LARGE1: variants seen among roughly 807,000 people sequenced by gnomAD.
LARGE1 encodes xylosyl- and glucuronyltransferase LARGE1.
A neutral mutation model predicts 87.6 loss-of-function variants in LARGE1; 43 were observed. That is an observed-to-expected ratio of 0.49 (90% confidence interval 0.38 to 0.63). The LOEUF (loss-of-function observed/expected upper bound fraction) is 0.63. Among genes scored for constraint, LARGE1 ranks in the 30% least tolerant of loss-of-function variants. LARGE1 has a pLI of 0.00. For missense variants in LARGE1, 802 were observed against 1,000.2 expected, an observed-to-expected ratio of 0.80 and a Z score of 2.67; for synonymous variants, 434 against 394.6, an observed-to-expected ratio of 1.10 and a Z score of -1.18.
chr22:33,088,974 A>C, the LARGE1 span, among the ~76,000 whole-genome samples: 1 of 152,190 alleles, frequency 6.6e-6, no homozygotes, highest in Admixed American at 6.5e-5. Flanking sequence ...AATTGTTATC[A>C]TCCATGCTGA....
chr22:33,536,395 T>C (rs5754594), intron 6 of LARGE1, among the ~76,000 whole-genome samples: 82,106 of 152,126 alleles, frequency 0.54, 22,743 homozygotes, highest in Admixed American at 0.64. Context: ...GATCTCCAAA[T>C]ACAACAGAGC....
At chr22:33,159,583 A>AT (rs768251168), downstream of LARGE1, among the ~76,000 whole-genome samples, 682 of 143,554 alleles carry the variant, frequency 4.8e-3, 4 homozygotes, top group East Asian at 0.028. Context: ...ATCAATTTAA[A>AT]TTTTTTTTTT....
At chr22:33,169,784 G>A (rs1922464783) in intron 11 of LARGE1, among the ~76,000 whole-genome samples, 1 of 151,968 alleles carries the variant, frequency 6.6e-6, no homozygotes, top group Admixed American at 6.6e-5. Flanking sequence ...CTGGGAGGCG[G>A]AGGTTGCAGT....
At chr22:33,474,724 AT>A (rs1457823212) in intron 6 of LARGE1, among the ~76,000 whole-genome samples, 34 of 152,274 alleles carry the variant, frequency 2.2e-4, no homozygotes, top group African/African-American at 7.9e-4. Flanking sequence ...TCTCTTTTTG[AT>A]TCATTTGTGG....
chr22:33,822,209 A>G (rs1056438151), intron 1 of LARGE1, among the ~76,000 whole-genome samples: 3 of 152,078 alleles, frequency 2.0e-5, no homozygotes, highest in African/African-American at 7.2e-5. Flanking sequence ...AATCAGCCCT[A>G]CCCTATGCCA....
chr22:33,451,800 A>G (rs373774785), intron 6 of LARGE1, among the ~76,000 whole-genome samples: 25 of 151,778 alleles, frequency 1.6e-4, no homozygotes, highest in African/African-American at 6.0e-4. Flanking sequence ...CTTGTGATCC[A>G]CCCGCCTCGG....
At chr22:33,686,458 G>A (rs540874375) in intron 2 of LARGE1, among the ~76,000 whole-genome samples, 299 of 150,550 alleles carry the variant, frequency 2.0e-3, no homozygotes, top group Admixed American at 3.7e-3. Context: ...CAGGAGAATC[G>A]CTTGAACCTG....
chr22:33,186,414 A>G (rs1353330486), intron 11 of LARGE1, among the ~76,000 whole-genome samples: 1 of 152,196 alleles, frequency 6.6e-6, no homozygotes, highest in Non-Finnish European at 1.5e-5. Flanking sequence ...ATGTTGATTA[A>G]TGTAGCAAAA....
intron 11 of LARGE1, among the ~76,000 whole-genome samples, chr22:33,262,498 C>A (rs1407661603): frequency 6.6e-6 from 1 of 152,194 alleles, no homozygotes; most frequent in Non-Finnish European, 1.5e-5. Context: ...TTCCTGAGCA[C>A]ACCTGCCGCT....
intron 7 of LARGE1, among the ~76,000 whole-genome samples, chr22:33,390,805 T>C (rs1422613152): frequency 6.6e-6 from 1 of 151,958 alleles, no homozygotes; most frequent in Non-Finnish European, 1.5e-5. Flanking sequence ...GCCATTCTTG[T>C]GCCTCAGCCT....
intron 3 of LARGE1, among the ~76,000 whole-genome samples, chr22:33,630,213 A>C (rs1033185479): frequency 3.3e-5 from 5 of 151,900 alleles, no homozygotes; most frequent in Admixed American, 6.6e-5. Flanking sequence ...AAAAAACCCC[A>C]AAAAACCGAA....
intron 2 of LARGE1, among the ~76,000 whole-genome samples, chr22:33,667,924 T>C (rs1011696734): frequency 6.6e-5 from 10 of 152,228 alleles, no homozygotes; most frequent in African/African-American, 2.4e-4. Flanking sequence ...TTTTCTTTCA[T>C]AGTGTGGGGT....
At chr22:33,646,051 G>C (rs1001858632) in intron 3 of LARGE1, among the ~76,000 whole-genome samples, 2 of 152,128 alleles carry the variant, frequency 1.3e-5, no homozygotes, top group Non-Finnish European at 2.9e-5. Context: ...CAAGGATCTA[G>C]AACCAGAAAT....
intron 1 of LARGE1, among the ~76,000 whole-genome samples, chr22:33,896,191 TC>T (rs2065141059): frequency 6.6e-6 from 1 of 152,216 alleles, no homozygotes; most frequent in African/African-American, 2.4e-5. Flanking sequence ...TAAATATTTA[TC>T]TTTTTAATGA....
chr22:33,651,409 A>AAG (rs2080814228), intron 2 of LARGE1, among the ~76,000 whole-genome samples: 3 of 149,936 alleles, frequency 2.0e-5, no homozygotes, highest in African/African-American at 7.3e-5. Context: ...AAAAAAAAAA[A>AAG]AGAAAAAAGA....
intron 3 of LARGE1, among the ~76,000 whole-genome samples, chr22:33,646,748 G>A (rs890522018): frequency 1.3e-5 from 2 of 152,042 alleles, no homozygotes; most frequent in Non-Finnish European, 2.9e-5. Flanking sequence ...GTTTTTTTGA[G>A]ACGGAGTCTC....
At chr22:33,680,081 C>T (rs2081711308) in intron 2 of LARGE1, among the ~76,000 whole-genome samples, 1 of 152,156 alleles carries the variant, frequency 6.6e-6, no homozygotes, top group East Asian at 1.9e-4. Flanking sequence ...TAAAGTGGCT[C>T]ATGGCCCTGA....
At chr22:33,682,708 C>T (rs564948315) in intron 2 of LARGE1, among the ~76,000 whole-genome samples, 1 of 152,192 alleles carries the variant, frequency 6.6e-6, no homozygotes, top group African/African-American at 2.4e-5. Context: ...TAGTAACACA[C>T]ACAGTGGCTG....
chr22:33,913,305 G>T (rs115805751), intron 1 of LARGE1, among the ~76,000 whole-genome samples: 8,467 of 152,188 alleles, frequency 0.056, 291 homozygotes, highest in African/African-American at 0.088. Flanking sequence ...TAGAATGTGC[G>T]GGTGGTTAAG....
Sources: allele counts gnomAD v4.1 joint callset (sites outside exome capture counted in the v4.1 genomes callset), GRCh38; gene constraint gnomAD v4.1.1; transcripts MANE v1.5; gene names NCBI Gene and HGNC (gene_info 2026-07-23, HGNC 2026-07-21).